WARS2: variants seen among roughly 807,000 people sequenced by gnomAD.
WARS2 encodes tryptophan--tRNA ligase, mitochondrial.
In WARS2, 28 loss-of-function variants were observed where a neutral mutation model predicts 36.5. The observed-to-expected ratio is 0.77, with a 90% CI of 0.57 to 1.05. The LOEUF is 1.05. Among genes scored for constraint, WARS2 ranks in the 50% least tolerant of loss-of-function variants. The pLI, the probability that WARS2 is intolerant of heterozygous loss-of-function variation, is 0.00. For missense variants in WARS2, 435 were observed against 456.8 expected (o/e 0.95, Z 0.44); for synonymous variants, 174 against 178.4 (o/e 0.98, Z 0.20).
rs977214816 is a variant in WARS2, at chr1:119,087,424, G to A, written c.91-10817C>T. Among the ~76,000 whole-genome samples, 5 of 152,324 alleles carry A rather than the reference G, an allele frequency of 3.3e-5. No homozygotes were observed. The East Asian group carries it at 9.6e-4, about 29-fold the overall frequency. On this transcript the variant is annotated intron_variant, in intron 1 of 5. Transcript: ENST00000235521. Reference sequence around the variant, plus strand: ...AATTGTTAAACAAGTTACGTTCTAAGAGTTTGTTTAAAAATTGGTTCTTTG... The same window carrying A: ...AATTGTTAAACAAGTTACGTTCTAAAAGTTTGTTTAAAAATTGGTTCTTTG...
chr1:119,139,393 T>C (rs1656768435), intron 1 of WARS2, among the ~76,000 whole-genome samples: 1 of 152,220 alleles, frequency 6.6e-6, no homozygotes, highest in African/African-American at 2.4e-5. Context: ...AAATTTTGGT[T>C]TTCATAATTA....
upstream of WARS2, chr1:119,140,667 T>G: frequency 6.2e-7 from 1 of 1,605,274 alleles, no homozygotes; most frequent in African/African-American, 1.3e-5. Context: ...GGAGCCGTCT[T>G]GTTTGGAATG....
chr1:119,095,874 C>G (rs139897355), intron 1 of WARS2, among the ~76,000 whole-genome samples: 2 of 152,202 alleles, frequency 1.3e-5, no homozygotes, highest in Non-Finnish European at 2.9e-5. Context: ...TTGGGGGACA[C>G]TGAAGAGTTT....
chr1:119,044,489 AT>A (rs1279287509), intron 3 of WARS2, among the ~76,000 whole-genome samples: 2 of 152,230 alleles, frequency 1.3e-5, no homozygotes, highest in Admixed American at 6.5e-5. Context: ...CAAGTAATGA[AT>A]CTGCAGCATT....
chr1:119,130,360 C>G (rs2101567236), intron 1 of WARS2, among the ~76,000 whole-genome samples: 1 of 152,280 alleles, frequency 6.6e-6, no homozygotes, highest in South Asian at 2.1e-4. Context: ...TTTCTATATA[C>G]AGATGTAACA....
intron 1 of WARS2, 128 bp from the exon 2 acceptor site, chr1:119,076,735 A>G (rs2101320972): frequency 7.3e-7 from 1 of 1,378,784 alleles, no homozygotes; most frequent in South Asian, 1.4e-5. Context: ...ATCATCATCC[A>G]TTTATTTTGT....
At chr1:119,127,828 T>C (rs935402567) in intron 1 of WARS2, among the ~76,000 whole-genome samples, 1 of 152,180 alleles carries the variant, frequency 6.6e-6, no homozygotes, top group Non-Finnish European at 1.5e-5. Context: ...TTACTTGCTC[T>C]AATGGTCATG....
chr1:119,065,068 T>C (rs1177810036), intron 2 of WARS2, among the ~76,000 whole-genome samples: 1 of 152,124 alleles, frequency 6.6e-6, no homozygotes, highest in East Asian at 1.9e-4. Context: ...ATCAATTTTT[T>C]AAAAAAGTTA....
intron 2 of WARS2, among the ~76,000 whole-genome samples, chr1:119,068,141 G>A (rs12567198): frequency 0.055 from 8,356 of 152,230 alleles, 427 homozygotes; most frequent in East Asian, 0.19. Context: ...CTACGCAGAC[G>A]TTTGCTCCCT....
chr1:119,045,046 A>G (rs1648676745), intron 3 of WARS2, among the ~76,000 whole-genome samples: 2 of 152,236 alleles, frequency 1.3e-5, no homozygotes, highest in Non-Finnish European at 2.9e-5. Context: ...ATCCGACTGC[A>G]AAAATAAATG....
intron 1 of WARS2, among the ~76,000 whole-genome samples, chr1:119,081,161 A>G (rs904107618): frequency 6.6e-6 from 1 of 152,216 alleles, no homozygotes; most frequent in Non-Finnish European, 1.5e-5. Context: ...ATTTTGACAG[A>G]CATAGCTGAA....
At position 119,033,120 on chromosome 1, in the gene WARS2, G is replaced by A. The variant is rs201132666; in HGVS notation, c.874C>T (p.Arg292Cys). ...VTGLSVEEVV[R>C]RSAGMNTARY... ...GCAGTGTTCATGCCCGCGCTGCGGCGCACCACTTCCTCCACGGAGAGCCCC... is the reference window on the plus strand; with the variant it reads ...GCAGTGTTCATGCCCGCGCTGCGGCACACCACTTCCTCCACGGAGAGCCCC... The change falls in exon 6 of 6, where the codon CGC becomes TGC. Residue 292 changes from arginine to cysteine, a missense_variant. Transcript: ENST00000235521. 121 of 1,614,092 alleles carry A rather than the reference G, an allele frequency of 7.5e-5. No homozygotes were observed. The Middle Eastern group carries it at 9.9e-4, about 13-fold the overall frequency.
At chr1:119,040,856 A>G (rs1174821000) in intron 4 of WARS2, among the ~76,000 whole-genome samples, 1 of 152,208 alleles carries the variant, frequency 6.6e-6, no homozygotes, top group African/African-American at 2.4e-5. Context: ...TAGAAAATGT[A>G]TTATTAAGAC....
At chr1:119,090,711 GA>G (rs1273201711) in intron 1 of WARS2, among the ~76,000 whole-genome samples, 1 of 151,850 alleles carries the variant, frequency 6.6e-6, no homozygotes, top group African/African-American at 2.4e-5. Flanking sequence ...GTCTCTACCA[GA>G]AAAAAATAAA....
chr1:119,130,433 A>G (rs1452146569), intron 1 of WARS2, among the ~76,000 whole-genome samples: 1 of 152,240 alleles, frequency 6.6e-6, no homozygotes, highest in Non-Finnish European at 1.5e-5. Context: ...TGTGAAAAAT[A>G]CAATTAGGGC....
intron 2 of WARS2, chr1:119,047,641 GAT>G (rs1228804486): frequency 1.3e-5 from 2 of 152,168 alleles, no homozygotes; most frequent in East Asian, 3.8e-4. Context: ...AGAAGGGTAG[GAT>G]ACTTCAGGAT....
intron 2 of WARS2, among the ~76,000 whole-genome samples, chr1:119,048,197 A>T (rs1250589091): frequency 6.6e-6 from 1 of 152,192 alleles, no homozygotes; most frequent in Middle Eastern, 3.2e-3. Flanking sequence ...GATACACAAT[A>T]AGCATTGCAA....
intron 1 of WARS2, among the ~76,000 whole-genome samples, chr1:119,109,272 C>A (rs1280887635): frequency 6.6e-6 from 1 of 151,898 alleles, no homozygotes; most frequent in Non-Finnish European, 1.5e-5. Context: ...TACTAATTTT[C>A]TGCCTGCTAG....
chr1:119,129,727 T>TAAA (rs71586672), intron 1 of WARS2, among the ~76,000 whole-genome samples: 31 of 148,694 alleles, frequency 2.1e-4, no homozygotes, highest in Non-Finnish European at 3.4e-4. Context: ...AAAATAAAAA[T>TAAA]AAAAAAAAAA....
Sources: allele counts gnomAD v4.1 joint callset (sites outside exome capture counted in the v4.1 genomes callset), GRCh38; gene constraint gnomAD v4.1.1; transcripts MANE v1.5; gene names NCBI Gene and HGNC (gene_info 2026-07-23, HGNC 2026-07-21).